Variants in DSG4 observed in about 807,000 individuals in gnomAD.
DSG4 encodes the protein desmoglein 4.
DSG4 carries 87 observed loss-of-function variants against 93.1 expected under a neutral mutation model. The ratio of observed to expected loss-of-function variants is 0.93; its 90% CI spans 0.79 to 1.12. The LOEUF (loss-of-function observed/expected upper bound fraction) is 1.12, where lower values mean the gene tolerates loss of function less well. Among genes scored for constraint, DSG4 ranks in the 50% most tolerant of loss-of-function variants. The probability of loss-of-function intolerance (pLI) is 0.00; values close to 1 mark genes in which losing one functional copy is unlikely to be tolerated. For missense variants in DSG4, 1,373 were observed against 1,285.7 expected, an observed-to-expected ratio of 1.07 and a Z score of -1.04; for synonymous variants, 432 against 452.9, an observed-to-expected ratio of 0.95 and a Z score of 0.59.
chr18:31,402,842 G>A (rs1382633575), intron 10 of DSG4, among the ~76,000 whole-genome samples: 1 of 152,130 alleles, frequency 6.6e-6, no homozygotes, highest in Non-Finnish European at 1.5e-5. Context: ...AAGTGGATTA[G>A]GGAAAAATCT....
In DSG4 at chr18:31,399,427, A is replaced by T. The variant is rs527985044; in HGVS notation, c.1161A>T (p.Pro387=). Residue 387 remains proline (P), a synonymous_variant, in exon 9 of 16, where the codon CCA becomes CCT. Transcript: ENST00000308128. ...TGAGAGAAGGACCTGCATTTCATCC[A>T]AGTACTATGGCTTTTAGTGTGCGGG... ...VDVREGPAFH[P]STMAFSVREG... 1 of 1,614,098 alleles carries T rather than the reference A, an allele frequency of 6.2e-7. No individual in the cohort carries two copies. The highest frequency in any genetic ancestry group is 2.2e-5 in the East Asian group (1 of 44,872).
chr18:31,384,994 T>C (rs993659171), intron 1 of DSG4, 142 bp from the exon 2 acceptor site: 2 of 755,080 alleles, frequency 2.6e-6, no homozygotes, highest in African/African-American at 1.8e-5. Context: ...TATTCATTTG[T>C]GTTAGCCATG....
At chr18:31,383,828 A>C (rs2072160668) in intron 1 of DSG4, among the ~76,000 whole-genome samples, 1 of 152,202 alleles carries the variant, frequency 6.6e-6, no homozygotes, top group Non-Finnish European at 1.5e-5. Context: ...ATTGACGTCA[A>C]TATTGAGAAA....
chr18:31,379,239 T>A (rs542627477), intron 1 of DSG4, among the ~76,000 whole-genome samples: 1 of 152,350 alleles, frequency 6.6e-6, no homozygotes, highest in African/African-American at 2.4e-5. Flanking sequence ...AGTGGCTGTG[T>A]AACTTTGGCA....
chr18:31,403,634 G>C lies in DSG4; in HGVS notation c.1636G>C (p.Ala546Pro). The change falls in exon 11 of 16, where the codon GCT becomes CCT. Residue 546 changes from alanine to proline, a missense_variant and splice_region_variant. Physicochemically the swap from Ala to Pro is conservative, Grantham distance 27. Transcript: ENST00000308128. ...CATGTGGGATGTCAGATCAACAAAT[G>C]GTAAGTGAAACGTAAGCTTGTTTTT... ...ADMWDVRSTNATSAILTAKQV... is the reference protein window; with the variant it reads ...ADMWDVRSTNPTSAILTAKQV... 1 of 1,613,838 alleles carries C rather than the reference G, an allele frequency of 6.2e-7. No individual in the cohort carries two copies. The highest frequency in any genetic ancestry group is 2.2e-5 in the East Asian group (1 of 44,860).
chr18:31,395,350 C>A (rs1464500414), intron 8 of DSG4, among the ~76,000 whole-genome samples: 1 of 151,134 alleles, frequency 6.6e-6, no homozygotes, highest in African/African-American at 2.4e-5. Context: ...TATACAAAGC[C>A]CTATCTATTT....
At chr18:31,410,991 T>C in intron 14 of DSG4, 1 of 1,177,156 alleles carries the variant, frequency 8.5e-7, no homozygotes, top group Non-Finnish European at 1.2e-6. Context: ...TAGGGCGAAG[T>C]CTGTGCAAAT....
At chr18:31,389,465 G>A (rs111988881) in intron 5 of DSG4, among the ~76,000 whole-genome samples, 5 of 152,206 alleles carry the variant, frequency 3.3e-5, no homozygotes, top group African/African-American at 1.2e-4. Flanking sequence ...GATCTTCACA[G>A]ACTACATAGC....
rs2072212346 is a variant in DSG4, at chr18:31,388,420, AG to A, written c.273del (p.Ile92LeufsTer24). On this transcript the variant is annotated frameshift_variant, in exon 4 of 16. Coordinates refer to ENST00000308128, the MANE Select transcript of DSG4 (RefSeq NM_177986.5). LOFTEE classifies it high-confidence loss of function. Reference sequence around the variant, plus strand: ...AGATAACATACCGGATTTCTGGAGTAGGGATTGATCGACCACCATATGGGGT... The same window carrying A: ...AGATAACATACCGGATTTCTGGAGTAGGATTGATCGACCACCATATGGGGT... ...QKITYRISGV[G>X]IDRPPYGVFT... 1 of 1,613,480 alleles carries A rather than the reference AG, an allele frequency of 6.2e-7. No individual in the cohort carries two copies. The highest frequency in any genetic ancestry group is 1.7e-5 in the Admixed American group (1 of 59,940).
intron 11 of DSG4, among the ~76,000 whole-genome samples, chr18:31,404,556 A>T (rs2072403980): frequency 6.6e-6 from 1 of 152,214 alleles, no homozygotes; most frequent in Non-Finnish European, 1.5e-5. Context: ...TACAGAGCCC[A>T]GGGTGAGAGG....
intron 5 of DSG4, among the ~76,000 whole-genome samples, chr18:31,389,982 T>G (rs1177347600): frequency 6.6e-6 from 1 of 152,146 alleles, no homozygotes; most frequent in Non-Finnish European, 1.5e-5. Context: ...TCTCCCTGCC[T>G]AGGAAGCAAA....
At chr18:31,378,408 T>C (rs1300635499) in intron 1 of DSG4, among the ~76,000 whole-genome samples, 2 of 152,240 alleles carry the variant, frequency 1.3e-5, no homozygotes, top group Non-Finnish European at 2.9e-5. Flanking sequence ...AGGAAAATTG[T>C]ATGTGTCAAG....
chr18:31,380,919 G>A (rs1195830682), intron 1 of DSG4, among the ~76,000 whole-genome samples: 2 of 152,052 alleles, frequency 1.3e-5, no homozygotes, highest in African/African-American at 4.8e-5. Context: ...AAATCATCAT[G>A]TTCTCTCTAG....
intron 14 of DSG4, 105 bp downstream of exon 14, chr18:31,409,913 T>C: frequency 7.8e-7 from 1 of 1,282,190 alleles, no homozygotes; most frequent in African/African-American, 1.5e-5. Context: ...TCAGTCTCTT[T>C]GGGTGACAGT....
Position 31,390,726 on chromosome 18 carries a change from C to A in DSG4, c.588C>A (p.Tyr196Ter). ...EENHLNSKIA[Y>*]KIVSQEPSGA... Reference sequence around the variant, plus strand: ...ATCATCTGAATTCTAAAATTGCCTACAAGATCGTCTCTCAGGAGCCATCAG... The same window carrying A: ...ATCATCTGAATTCTAAAATTGCCTAAAAGATCGTCTCTCAGGAGCCATCAG... Residue 196 changes from tyrosine (Y) to a stop codon, truncating the protein, a stop_gained, in exon 6 of 16, where the codon TAC (tyrosine) becomes TAA (stop). Coordinates refer to ENST00000308128, the MANE Select transcript of DSG4 (RefSeq NM_177986.5). LOFTEE classifies it high-confidence loss of function. 6.2e-7 allele frequency: 1 copy of A among 1,613,812 alleles called. No homozygotes were observed. Among genetic ancestry groups the A allele is most frequent in the Non-Finnish European group, 8.5e-7 (1 of 1,179,806 alleles).
chr18:31,409,995 T>C (rs1212417240), intron 14 of DSG4, among the ~76,000 whole-genome samples, 187 bp downstream of exon 14: 1 of 152,172 alleles, frequency 6.6e-6, no homozygotes, highest in Non-Finnish European at 1.5e-5. Flanking sequence ...GACAGTGAAG[T>C]ATGACACAGC....
At position 31,409,623 on chromosome 18, in the gene DSG4, G is replaced by GGA. The variant is rs2072464741; in HGVS notation, c.2073+34_2073+35dup. ...GGACTGTCACTCTCCAGAGAAGTGT[G>GGA]GAGTTTCAGTGGAAATTGAGCATGT... is the stretch of plus-strand genomic sequence containing the variant. On this transcript the variant is annotated intron_variant, in intron 13 of 15. Coordinates refer to ENST00000308128, the MANE Select transcript of DSG4 (RefSeq NM_177986.5). 10 of 1,614,152 alleles carry GGA rather than the reference G, an allele frequency of 6.2e-6. No individual in the cohort carries two copies. The East Asian group carries it at 2.2e-4, about 36-fold the overall frequency.
At chr18:31,388,151 T>C (rs2072208547) in intron 3 of DSG4, among the ~76,000 whole-genome samples, 1 of 152,162 alleles carries the variant, frequency 6.6e-6, no homozygotes, top group Non-Finnish European at 1.5e-5. Flanking sequence ...TTACCTCATG[T>C]AATTCCCACA....
chr18:31,411,591 T>A lies in DSG4; in HGVS notation c.2355+143T>A. The A allele has an allele frequency of 2.8e-6, 3 of 1,074,216 alleles. No individual in the cohort carries two copies. In the South Asian group the frequency reaches 4.1e-5, roughly 15 times the overall value. The allele number at this position is 1,074,216 out of a possible 1,614,324, so 66.5% of individuals were successfully genotyped here. ...AAACCTGAATAAAAAGTATTTCACG[T>A]CTCCTTAAAACACAAAATGCTAATT... On this transcript the variant is annotated intron_variant, in intron 15 of 15. Coordinates refer to ENST00000308128, the MANE Select transcript of DSG4 (RefSeq NM_177986.5).
Sources: gnomAD v4.1 joint callset for allele counts (sites outside exome capture counted in the v4.1 genomes callset) on GRCh38, gnomAD v4.1.1 for gene constraint, MANE v1.5 for transcripts, NCBI Gene and HGNC (gene_info 2026-07-23, HGNC 2026-07-21) for gene names.